The following RNF10 variants were observed in gnomAD, a reference collection of about 807,000 sequenced individuals.
RNF10 encodes the protein ring finger protein 10, also known as E3 ubiquitin-protein ligase RNF10.
RNF10 carries 38 observed loss-of-function variants against 91.4 expected under a neutral mutation model. The observed-to-expected ratio is 0.42, with a 90% CI of 0.32 to 0.54. RNF10 has a LOEUF of 0.54. Among genes scored for constraint, RNF10 ranks in the 20% least tolerant of loss-of-function variants. The pLI is 0.16. For synonymous variants in RNF10, 364 were observed against 366.3 expected, an observed-to-expected ratio of 0.99 and a Z score of 0.07; for missense variants, 945 against 1,012.0, an observed-to-expected ratio of 0.93 and a Z score of 0.90.
At position 120,534,459 on chromosome 12, in the gene RNF10, C is replaced by T; in HGVS notation, c.-353C>T. On this transcript the variant is annotated 5_prime_UTR_variant, in exon 1 of 17. Coordinates refer to ENST00000325954, the MANE Select transcript of RNF10 (RefSeq NM_014868.5). ...CACTAGTCCCCGACACCGAGACAGC[C>T]AGCCCTCTCCCCTGCCTCGCGGCGG... is the stretch of plus-strand genomic sequence containing the variant. 1 of 209,444 alleles carries T rather than the reference C, an allele frequency of 4.8e-6. No individual in the cohort carries two copies. The highest frequency in any genetic ancestry group is 9.5e-6 in the Non-Finnish European group (1 of 105,706). The allele number at this position is 209,444 out of a possible 1,614,324, so 13.0% of individuals were successfully genotyped here. A position where few individuals can be genotyped will look rare whatever the true frequency, so the allele number is the denominator to read the frequency against.
Position 120,562,708 on chromosome 12 carries a change from A to C in RNF10, c.1129-237A>C, listed in dbSNP as rs1036874497. ...ACTGTCTTCCACAATGATTGAACTA[A>C]TTTACACTCCCCAGTGTCAGATTCT... is the stretch of plus-strand genomic sequence containing the variant. On this transcript the variant is annotated intron_variant, in intron 7 of 16. Coordinates refer to ENST00000325954, the MANE Select transcript of RNF10 (RefSeq NM_014868.5). Among the ~76,000 whole-genome samples the C allele has an allele frequency of 5.3e-5, 8 of 152,106 alleles. No individual in the cohort carries two copies. In the South Asian group the frequency reaches 1.0e-3, roughly 20 times the overall value.
Position 120,557,393 on chromosome 12 carries a change from C to CT in RNF10, c.760dup (p.Ser254PhefsTer4), listed in dbSNP as rs755622425. ...CTGCTGGGCATGCATCCTGCACTAT[C>CT]TTTCACTGAGTGAGAAGACGTGGAG... On this transcript the variant is annotated frameshift_variant, in exon 5 of 17. Coordinates refer to ENST00000325954, the MANE Select transcript of RNF10 (RefSeq NM_014868.5). LOFTEE classifies it high-confidence loss of function. 2 of 1,614,096 alleles carry CT rather than the reference C, an allele frequency of 1.2e-6. No homozygotes were observed. Among genetic ancestry groups the CT allele is most frequent in the African/African-American group, 2.7e-5 (2 of 74,940 alleles).
In RNF10 at chr12:120,557,646, A is replaced by G. The variant is rs1217752668; in HGVS notation, c.931A>G (p.Lys311Glu). 6.2e-7 allele frequency: 1 copy of G among 1,614,084 alleles called. No individual in the cohort carries two copies. Among genetic ancestry groups the G allele is most frequent in the Admixed American group, 1.7e-5 (1 of 60,000 alleles). The change falls in exon 6 of 17, where the codon AAA (lysine) becomes GAA (glutamate). Residue 311 changes from lysine to glutamate, a missense_variant. By Grantham distance (56) the Lys-to-Glu change is moderately conservative (BLOSUM62 1). Coordinates refer to ENST00000325954, the MANE Select transcript of RNF10 (RefSeq NM_014868.5). ...GGTGTTGGTGGCTTTGCCCAAATCC[A>G]AATGGATGAATGTAGACCATCCCAT... The part of the protein sequence containing the change: ...KGVLVALPKS[K>E]WMNVDHPIHL...
At chr12:120,570,020 G>A (rs1876389625) in intron 13 of RNF10, among the ~76,000 whole-genome samples, 1 of 151,798 alleles carries the variant, frequency 6.6e-6, no homozygotes, top group African/African-American at 2.4e-5. Context: ...AGCCTCCTGA[G>A]TAGCTGTGTA....
At chr12:120,540,846 T>A (rs574403517) in intron 1 of RNF10, among the ~76,000 whole-genome samples, 50 of 112,068 alleles carry the variant, frequency 4.5e-4, no homozygotes, top group South Asian at 2.0e-3. Context: ...TGAGTGCCAG[T>A]TTACTTTCTT....
At chr12:120,564,040 C>A in intron 10 of RNF10, 97 bp downstream of exon 10, 1 of 1,387,234 alleles carries the variant, frequency 7.2e-7, no homozygotes, top group African/African-American at 1.4e-5. Flanking sequence ...ACCTTCAAGG[C>A]CTTTAGTTTT....
chr12:120,548,041 T>C (rs1366031431), intron 2 of RNF10, among the ~76,000 whole-genome samples: 5 of 152,152 alleles, frequency 3.3e-5, no homozygotes, highest in Admixed American at 3.3e-4. Flanking sequence ...GGATGAGTAA[T>C]GTTTTTGGCA....
At chr12:120,564,960 C>A in intron 10 of RNF10, 112 bp from the exon 11 acceptor site, 1 of 722,302 alleles carries the variant, frequency 1.4e-6, no homozygotes, top group Non-Finnish European at 2.5e-6. Context: ...CTACTGTTTC[C>A]AGCCCCAGTG....
In RNF10 at chr12:120,552,651, C is replaced by G; in HGVS notation, c.507C>G (p.Asn169Lys). 1 of 1,614,096 alleles carries G rather than the reference C, an allele frequency of 6.2e-7. No individual in the cohort carries two copies. The highest frequency in any genetic ancestry group is 8.5e-7 in the Non-Finnish European group (1 of 1,180,004). ...GSGHGSWGKR[N>K]KWGHKPFNKE... is the part of the protein sequence containing the mutation. ...GACATGGTAGCTGGGGAAAGAGGAA[C>G]AAGTGGGGACATAAGCCTTTTAACA... The change falls in exon 3 of 17, where the codon AAC becomes AAG. Residue 169 changes from asparagine (N) to lysine (K), a missense_variant. Coordinates refer to ENST00000325954, the MANE Select transcript of RNF10 (RefSeq NM_014868.5).
chr12:120,562,864 G>A (rs958546526), intron 7 of RNF10, 81 bp from the exon 8 acceptor site: 29 of 1,570,792 alleles, frequency 1.8e-5, no homozygotes, highest in Non-Finnish European at 2.4e-5. Flanking sequence ...CTGTTGAGAG[G>A]CCATTCTAAG....
rs369265034 is a variant in RNF10, at chr12:120,562,936, C to T, written c.1129-9C>T. 3 of 1,613,768 alleles carry T rather than the reference C, an allele frequency of 1.9e-6. No individual in the cohort carries two copies. The highest frequency in any genetic ancestry group is 2.5e-6 in the Non-Finnish European group (3 of 1,179,798). ...TAACCTTCTCTGGTGTTCTCTCTGGCCACGTTAGACTCGGGAAGAGGCTCT... is the reference window on the plus strand; with the variant it reads ...TAACCTTCTCTGGTGTTCTCTCTGGTCACGTTAGACTCGGGAAGAGGCTCT... On this transcript the variant is annotated splice_polypyrimidine_tract_variant and intron_variant, in intron 7 of 16. Transcript: ENST00000325954.
intron 7 of RNF10, among the ~76,000 whole-genome samples, chr12:120,561,539 T>C (rs1002231419): frequency 1.3e-5 from 2 of 152,196 alleles, no homozygotes; most frequent in African/African-American, 4.8e-5. Flanking sequence ...CTGATCTAGC[T>C]TAGAGCAATA....
Position 120,554,745 on chromosome 12 carries a change from A to AG in RNF10, c.583dup (p.Asp195GlyfsTer8). 4 of 1,613,956 alleles carry AG rather than the reference A, an allele frequency of 2.5e-6. No homozygotes were observed. Among genetic ancestry groups the AG allele is most frequent in the Non-Finnish European group, 3.4e-6 (4 of 1,179,934 alleles). ...GCCAATTTGTGGTGTCTGAAGACCA[A>AG]GACTACACAGCTCATTTTGCTGATC... On this transcript the variant is annotated frameshift_variant, in exon 4 of 17. Transcript: ENST00000325954. LOFTEE classifies it high-confidence loss of function.
At chr12:120,546,186 G>A (rs2137152271) in intron 1 of RNF10, among the ~76,000 whole-genome samples, 1 of 152,258 alleles carries the variant, frequency 6.6e-6, no homozygotes, top group Non-Finnish European at 1.5e-5. Flanking sequence ...CGCTGTGTTT[G>A]TTTTGAGGGA....
intron 7 of RNF10, 46 bp from the exon 8 acceptor site, chr12:120,562,899 T>G (rs1875101032): frequency 1.9e-6 from 3 of 1,611,984 alleles, no homozygotes; most frequent in Non-Finnish European, 1.7e-6. Context: ...GCTAAGTGTG[T>G]GTCTGGAAAC....
At chr12:120,555,370 C>T (rs369880539) in intron 4 of RNF10, among the ~76,000 whole-genome samples, 5 of 151,694 alleles carry the variant, frequency 3.3e-5, no homozygotes, top group Admixed American at 2.6e-4. Context: ...TTAGTAGAGA[C>T]GGGGTTTCAC....
intron 1 of RNF10, among the ~76,000 whole-genome samples, chr12:120,540,650 G>C (rs1048746049): frequency 6.6e-6 from 1 of 152,204 alleles, no homozygotes; most frequent in East Asian, 1.9e-4. Context: ...CATACCCTTA[G>C]GTAACTGGAA....
At chr12:120,542,691 T>A (rs1871753071) in intron 1 of RNF10, among the ~76,000 whole-genome samples, 2 of 152,144 alleles carry the variant, frequency 1.3e-5, no homozygotes, top group African/African-American at 2.4e-5. Context: ...TAGCTGGGAT[T>A]ACAGGCGTGT....
chr12:120,576,679 A>C lies in RNF10; in HGVS notation c.*13A>C. The C allele has an allele frequency of 1.9e-6, 3 of 1,601,088 alleles. No homozygotes were observed. Among genetic ancestry groups the C allele is most frequent in the South Asian group, 2.3e-5 (2 of 87,858 alleles). ...CCACACCAAGTGACACTACTGGCCC[A>C]GGCTACCTTCTCCATCTGGTTTTTG... On this transcript the variant is annotated 3_prime_UTR_variant, in exon 17 of 17. Coordinates refer to ENST00000325954, the MANE Select transcript of RNF10 (RefSeq NM_014868.5).
Sources: allele counts gnomAD v4.1 joint callset (sites outside exome capture counted in the v4.1 genomes callset), GRCh38; gene constraint gnomAD v4.1.1; transcripts MANE v1.5; gene names NCBI Gene and HGNC (gene_info 2026-07-23, HGNC 2026-07-21).